TMEM248: variants seen among roughly 807,000 people sequenced by gnomAD.
The protein encoded by TMEM248 is UPF0458 protein C7orf42.
Under a neutral mutation model 30.3 loss-of-function variants are expected in TMEM248, and 9 were observed. The ratio of observed to expected loss-of-function variants is 0.30; its 90% CI spans 0.18 to 0.52. TMEM248 has a LOEUF of 0.52. Among genes scored for constraint, TMEM248 ranks in the 20% least tolerant of loss-of-function variants. The pLI, the probability that TMEM248 is intolerant of heterozygous loss-of-function variation, is 0.97. For missense variants in TMEM248, 338 were observed against 403.3 expected, an observed-to-expected ratio of 0.84 and a Z score of 1.39; for synonymous variants, 184 against 154.4, an observed-to-expected ratio of 1.19 and a Z score of -1.42.
chr7:66,932,025 C>T (rs1017400719), intron 1 of TMEM248, among the ~76,000 whole-genome samples: 1 of 150,802 alleles, frequency 6.6e-6, no homozygotes, highest in Non-Finnish European at 1.5e-5. Context: ...AGGATAGTCT[C>T]GATCTCCTGA....
chr7:66,926,149 A>G (rs1478178765), intron 1 of TMEM248, among the ~76,000 whole-genome samples: 1 of 152,112 alleles, frequency 6.6e-6, no homozygotes, highest in South Asian at 2.1e-4. Flanking sequence ...TTGGCCAACT[A>G]TATCTGTTGG....
At chr7:66,932,976 A>T (rs67319329) in intron 1 of TMEM248, among the ~76,000 whole-genome samples, 15,695 of 151,942 alleles carry the variant, frequency 0.1, 982 homozygotes, top group South Asian at 0.2. Context: ...TTTGTGCCTC[A>T]GCCTCCTGAG....
rs35126436 is a variant in TMEM248 at position 66,929,426 on chromosome 7, A to ATTTTTTTTTTTTTT, written c.-19+7980_-19+7993dup. ...ACAATATCATGGAAATGAGAGACAA[A>ATTTTTTTTTTTTTT]TTTTTTTTTTTTTTTTTTTTTTTTT... is the stretch of plus-strand genomic sequence containing the variant. On this transcript the variant is annotated intron_variant, in intron 1 of 6. Coordinates refer to ENST00000341567, the MANE Select transcript of TMEM248 (RefSeq NM_017994.5). 2.7e-4 allele frequency among the ~76,000 whole-genome samples: 26 copies of ATTTTTTTTTTTTTT among 97,674 alleles called. 1 individual carries two copies. Among genetic ancestry groups the ATTTTTTTTTTTTTT allele is most frequent in the Middle Eastern group, 0.014 (2 of 148 alleles). 64.1% of individuals were successfully genotyped at this position (97,674 alleles called of 152,430 possible).
chr7:66,958,362 G>A lies in TMEM248; in HGVS notation c.*2840G>A, dbSNP rs531729619. 2 of 152,838 alleles carry A rather than the reference G, an allele frequency of 1.3e-5. No individual in the cohort carries two copies. Among genetic ancestry groups the A allele is most frequent in the East Asian group, 1.9e-4 (1 of 5,192 alleles). 9.5% of individuals were successfully genotyped at this position (152,838 alleles called of 1,614,324 possible). A position where few individuals can be genotyped will look rare whatever the true frequency, so the allele number is the denominator to read the frequency against. The stretch of plus-strand genomic sequence containing the variant: ...TCTGTTGCGTTTTCCTCGGCAGCGT[G>A]TAGGGCTTCAGCTTCCTGGGTTTTC... On this transcript the variant is annotated 3_prime_UTR_variant, in exon 7 of 7. Transcript: ENST00000341567.
intron 4 of TMEM248, among the ~76,000 whole-genome samples, chr7:66,950,435 C>T (rs915378778): frequency 2.0e-5 from 3 of 152,128 alleles, no homozygotes; most frequent in Non-Finnish European, 4.4e-5. Context: ...TGGCACTTCT[C>T]TTTGCTGCCG....
chr7:66,953,942 T>C, intron 6 of TMEM248, among the ~76,000 whole-genome samples: 1 of 80,442 alleles, frequency 1.2e-5, no homozygotes, highest in Non-Finnish European at 2.8e-5. Flanking sequence ...TTACTTTCTT[T>C]TTTTTTTTTT....
chr7:66,935,757 T>A (rs1328593890), intron 1 of TMEM248, among the ~76,000 whole-genome samples: 1 of 152,080 alleles, frequency 6.6e-6, no homozygotes, highest in Non-Finnish European at 1.5e-5. Context: ...TTGGCCAGGC[T>A]GGTCTCGAAC....
chr7:66,954,047 G>A (rs375314763), intron 6 of TMEM248, among the ~76,000 whole-genome samples: 4 of 146,018 alleles, frequency 2.7e-5, no homozygotes, highest in Non-Finnish European at 5.9e-5. Flanking sequence ...GGGCTCAAGT[G>A]ATTCTCTTGC....
intron 2 of TMEM248, 107 bp downstream of exon 2, chr7:66,942,131 T>G: frequency 8.2e-7 from 1 of 1,216,116 alleles, no homozygotes; most frequent in South Asian, 1.6e-5. Context: ...TCTCTCCTAG[T>G]GAGAAAAATC....
intron 2 of TMEM248, 40 bp downstream of exon 2, chr7:66,942,064 T>C (rs1791977545): frequency 2.5e-6 from 4 of 1,598,828 alleles, no homozygotes; most frequent in Non-Finnish European, 3.4e-6. Flanking sequence ...GGCTGGTCCT[T>C]GTGCAGTGGG....
At chr7:66,951,180 G>A in intron 5 of TMEM248, 45 bp downstream of exon 5, 1 of 1,502,848 alleles carries the variant, frequency 6.7e-7, no homozygotes, top group African/African-American at 1.4e-5. Flanking sequence ...GCATGCATAT[G>A]CACATGTGTG....
chr7:66,935,444 A>G lies in TMEM248; in HGVS notation c.-18-6404A>G, dbSNP rs983410844. Among the ~76,000 whole-genome samples the G allele has an allele frequency of 3.3e-5, 5 of 152,270 alleles. 1 individual carries two copies. Among genetic ancestry groups the G allele is most frequent in the Admixed American group, 3.3e-4 (5 of 15,302 alleles). On this transcript the variant is annotated intron_variant, in intron 1 of 6. Transcript: ENST00000341567. Reference sequence around the variant, plus strand: ...GTGATCCACCCACCTTGGCCTCCCAAAGTGTTGGGATTACAGGCGTGAGCC... The same window carrying G: ...GTGATCCACCCACCTTGGCCTCCCAGAGTGTTGGGATTACAGGCGTGAGCC...
intron 1 of TMEM248, among the ~76,000 whole-genome samples, chr7:66,926,627 C>T (rs1486732996): frequency 6.9e-6 from 1 of 145,444 alleles, no homozygotes; most frequent in African/African-American, 2.5e-5. Flanking sequence ...CAGAGCAAGA[C>T]TCCATCTGAA....
Position 66,955,655 on chromosome 7 carries a change from A to G in TMEM248, c.*133A>G, listed in dbSNP as rs1792382056. On this transcript the variant is annotated 3_prime_UTR_variant, in exon 7 of 7. Coordinates refer to ENST00000341567, the MANE Select transcript of TMEM248 (RefSeq NM_017994.5). ...GGTTATTCCAGCCAAAGACATTTCA[A>G]GTGCCTGTAACTGATTTGTACATAT... 9.2e-7 allele frequency: 1 copy of G among 1,089,878 alleles called. No individual in the cohort carries two copies. The highest frequency in any genetic ancestry group is 1.4e-6 in the Non-Finnish European group (1 of 739,660). 67.5% of individuals were successfully genotyped at this position (1,089,878 alleles called of 1,614,324 possible). A position where few individuals can be genotyped will look rare whatever the true frequency, so the allele number is the denominator to read the frequency against.
intron 6 of TMEM248, among the ~76,000 whole-genome samples, chr7:66,954,650 G>A (rs1792360120): frequency 6.6e-6 from 1 of 152,024 alleles, no homozygotes; most frequent in South Asian, 2.1e-4. Context: ...ACCCACATTG[G>A]CCTCTCAAAG....
chr7:66,925,936 C>T (rs761439790), intron 1 of TMEM248, among the ~76,000 whole-genome samples: 12 of 151,942 alleles, frequency 7.9e-5, no homozygotes, highest in East Asian at 5.8e-4. Flanking sequence ...CCACCACGCC[C>T]GGCCTATTTT....
At position 66,941,972 on chromosome 7, in the gene TMEM248, C is replaced by T; in HGVS notation, c.107C>T (p.Thr36Ile). The T allele has an allele frequency of 6.2e-7, 1 of 1,614,154 alleles. No homozygotes were observed. Among genetic ancestry groups the T allele is most frequent in the Non-Finnish European group, 8.5e-7 (1 of 1,180,038 alleles). The change falls in exon 2 of 7, where the codon ACC becomes ATC. Residue 36 changes from threonine to isoleucine, a missense_variant. Physicochemically the swap from Thr to Ile is moderately conservative, Grantham distance 89. Coordinates refer to ENST00000341567, the MANE Select transcript of TMEM248 (RefSeq NM_017994.5). ...SVSAMAIAFL[T>I]LGYFFKIKEI... ...AGCGCCATGGCCATAGCTTTCCTGA[C>T]CCTGGGCTACTTCTTCAAAATCAAG...
chr7:66,955,756 C>T lies in TMEM248; in HGVS notation c.*234C>T, dbSNP rs183013676. On this transcript the variant is annotated 3_prime_UTR_variant, in exon 7 of 7. Transcript: ENST00000341567. ...GGGTACAGCCAGAGCCCTTCAACCC[C>T]ACCTTGGACTTGAGGACCTACCTGA... 26 of 509,930 alleles carry T rather than the reference C, an allele frequency of 5.1e-5. No homozygotes were observed. In the Admixed American group the frequency reaches 1.0e-3, roughly 20 times the overall value. The allele number at this position is 509,930 out of a possible 1,614,324, so 31.6% of individuals were successfully genotyped here. A position where few individuals can be genotyped will look rare whatever the true frequency, so the allele number is the denominator to read the frequency against.
intron 1 of TMEM248, chr7:66,921,739 C>G (rs912233669): frequency 7.2e-5 from 11 of 152,266 alleles, no homozygotes; most frequent in African/African-American, 2.7e-4. Context: ...GGAGCCGAGG[C>G]CTGGATAATT....
Sources: gnomAD v4.1 joint callset for allele counts (sites outside exome capture counted in the v4.1 genomes callset) on GRCh38, gnomAD v4.1.1 for gene constraint, MANE v1.5 for transcripts, NCBI Gene and HGNC (gene_info 2026-07-23, HGNC 2026-07-21) for gene names.